The following AHI1 variants were observed in gnomAD, a reference collection of about 807,000 sequenced individuals.
The protein encoded by AHI1 is Abelson helper integration site 1, also known as jouberin.
Under a neutral mutation model 149.3 loss-of-function variants are expected in AHI1, and 123 were observed. The observed-to-expected ratio is 0.82, with a 90% CI of 0.71 to 0.96. AHI1 has a LOEUF of 0.96. AHI1 is among the 40% of genes least tolerant of loss of function. The pLI, the probability that AHI1 is intolerant of heterozygous loss-of-function variation, is 0.00. For synonymous variants in AHI1, 475 were observed against 459.8 expected (o/e 1.03, Z -0.42); for missense variants, 1,439 against 1,422.7 (o/e 1.01, Z -0.18).
intron 24 of AHI1, among the ~76,000 whole-genome samples, chr6:135,354,539 T>A (rs1313303451): frequency 6.6e-6 from 1 of 152,162 alleles, no homozygotes; most frequent in East Asian, 1.9e-4. Context: ...TCCCTTTGAT[T>A]TGCAAATAAG....
chr6:135,419,162 TAG>T (rs1396373953), intron 20 of AHI1, among the ~76,000 whole-genome samples: 1 of 152,066 alleles, frequency 6.6e-6, no homozygotes. Flanking sequence ...TCAAAATCTA[TAG>T]AGTGATGTGT....
intron 20 of AHI1, among the ~76,000 whole-genome samples, chr6:135,416,026 T>C (rs1194664156): frequency 6.6e-6 from 1 of 152,084 alleles, no homozygotes; most frequent in East Asian, 1.9e-4. Flanking sequence ...AAAGTAACTT[T>C]TGGGGATGAA....
At chr6:135,417,422 CTT>C (rs1442438651) in intron 20 of AHI1, among the ~76,000 whole-genome samples, 1 of 151,634 alleles carries the variant, frequency 6.6e-6, no homozygotes, top group Non-Finnish European at 1.5e-5. Flanking sequence ...TCATTTTACT[CTT>C]TTTGTCAAAC....
chr6:135,368,452 G>A (rs1774513278), intron 23 of AHI1, among the ~76,000 whole-genome samples: 2 of 152,134 alleles, frequency 1.3e-5, no homozygotes, highest in African/African-American at 4.8e-5. Context: ...GAGCTCCCAA[G>A]AGATTATATC....
intron 23 of AHI1, among the ~76,000 whole-genome samples, chr6:135,393,894 G>A (rs1173092378): frequency 6.6e-6 from 1 of 151,918 alleles, no homozygotes; most frequent in African/African-American, 2.4e-5. Flanking sequence ...GCACAGCCAG[G>A]GTTGAGCATA....
rs761997683 is a variant in AHI1, at chr6:135,482,894, C to CTTTTTTTTTTTT, written c.135+7717_135+7728dup. Among the ~76,000 whole-genome samples the CTTTTTTTTTTTT allele has an allele frequency of 1.1e-3, 60 of 55,732 alleles. 25 individuals carry two copies. Among genetic ancestry groups the CTTTTTTTTTTTT allele is most frequent in the African/African-American group, 3.2e-3 (34 of 10,786 alleles). The allele number at this position is 55,732 out of a possible 152,430, so 36.6% of individuals were successfully genotyped here. A position where few individuals can be genotyped will look rare whatever the true frequency, so the allele number is the denominator to read the frequency against. On this transcript the variant is annotated intron_variant, in intron 5 of 28. Coordinates refer to ENST00000265602, the MANE Select transcript of AHI1 (RefSeq NM_001134831.2). ...TTCAACCAGTATAATCCATTTAAGG[C>CTTTTTTTTTTTT]TTTTTTTTTTTTTTTGAGACAGAGT...
rs1264955170 is a variant in AHI1, at chr6:135,285,669, A to G, written c.3589-22T>C. On this transcript the variant is annotated intron_variant, in intron 28 of 28. Transcript: ENST00000265602. ...TTTACTGGAAAGAAAAATACACAAAATGTACTAAATAAACTTGAATAATGT... is the reference window on the plus strand; with the variant it reads ...TTTACTGGAAAGAAAAATACACAAAGTGTACTAAATAAACTTGAATAATGT... 3 of 1,589,712 alleles carry G rather than the reference A, an allele frequency of 1.9e-6. No individual in the cohort carries two copies. The African/African-American group carries it at 4.0e-5, about 21-fold the overall frequency.
At chr6:135,482,528 G>C (rs1434223975) in intron 5 of AHI1, among the ~76,000 whole-genome samples, 2 of 151,374 alleles carry the variant, frequency 1.3e-5, no homozygotes, top group Non-Finnish European at 2.9e-5. Flanking sequence ...GACATTTACT[G>C]ATCATTTTAA....
intron 27 of AHI1, among the ~76,000 whole-genome samples, chr6:135,296,700 G>A (rs560236578): frequency 2.6e-5 from 4 of 152,110 alleles, no homozygotes; most frequent in African/African-American, 9.6e-5. Flanking sequence ...CCCTACCCAT[G>A]CTTTATTTTT....
At chr6:135,426,552 TGC>T (rs1783937989) in intron 20 of AHI1, among the ~76,000 whole-genome samples, 1 of 151,574 alleles carries the variant, frequency 6.6e-6, no homozygotes, top group Non-Finnish European at 1.5e-5. Flanking sequence ...AAAATAGAAA[TGC>T]AATTTTGAGA....
chr6:135,339,152 T>C (rs1174546753), intron 24 of AHI1, among the ~76,000 whole-genome samples: 1 of 152,108 alleles, frequency 6.6e-6, no homozygotes, highest in South Asian at 2.1e-4. Flanking sequence ...CCTAGGGCAT[T>C]TGTCAAAAGC....
chr6:135,468,562 G>A (rs1055388486), intron 5 of AHI1, among the ~76,000 whole-genome samples: 19 of 152,230 alleles, frequency 1.2e-4, no homozygotes, highest in African/African-American at 4.6e-4. Context: ...AAATTAGCCA[G>A]GCGTGACGGT....
intron 9 of AHI1, 98 bp downstream of exon 9, chr6:135,457,396 A>C: frequency 2.4e-6 from 2 of 839,300 alleles, no homozygotes; most frequent in Non-Finnish European, 3.7e-6. Flanking sequence ...ATACAAATCC[A>C]TAACTCTATT....
chr6:135,398,003 A>C (rs913783178), intron 22 of AHI1, among the ~76,000 whole-genome samples: 48 of 151,334 alleles, frequency 3.2e-4, no homozygotes, highest in African/African-American at 1.0e-3. Context: ...TAATATTTTA[A>C]TCTGATGGCA....
Position 135,490,760 on chromosome 6 carries a change from C to T in AHI1, c.11-13G>A, listed in dbSNP as rs940308137. The T allele has an allele frequency of 1.9e-6, 3 of 1,611,288 alleles. No homozygotes were observed. The highest frequency in any genetic ancestry group is 2.5e-6 in the Non-Finnish European group (3 of 1,178,852). On this transcript the variant is annotated splice_polypyrimidine_tract_variant and intron_variant, in intron 4 of 28. Coordinates refer to ENST00000265602, the MANE Select transcript of AHI1 (RefSeq NM_001134831.2). ...GCTTCACTCTCAGCTACAAAAGATACAGCCATGTGATTTTGTAAATGACTC... is the reference window on the plus strand; with the variant it reads ...GCTTCACTCTCAGCTACAAAAGATATAGCCATGTGATTTTGTAAATGACTC...
chr6:135,320,381 A>G (rs1786630395), intron 25 of AHI1, among the ~76,000 whole-genome samples: 1 of 152,214 alleles, frequency 6.6e-6, no homozygotes, highest in East Asian at 1.9e-4. Context: ...GTAGCCATCA[A>G]CTCATCACTG....
At chr6:135,321,906 A>C (rs1047552681) in intron 25 of AHI1, among the ~76,000 whole-genome samples, 2 of 151,950 alleles carry the variant, frequency 1.3e-5, no homozygotes, top group Non-Finnish European at 1.5e-5. Flanking sequence ...GGTTCACGCG[A>C]TTCTCCCGCC....
chr6:135,460,009 T>C (rs955258839), intron 8 of AHI1, among the ~76,000 whole-genome samples: 4 of 151,966 alleles, frequency 2.6e-5, no homozygotes, highest in Non-Finnish European at 5.9e-5. Flanking sequence ...CTGGAAAATG[T>C]AGTGAGACCT....
At chr6:135,336,357 G>T (rs1291474572) in intron 24 of AHI1, among the ~76,000 whole-genome samples, 1 of 152,048 alleles carries the variant, frequency 6.6e-6, no homozygotes, top group South Asian at 2.1e-4. Context: ...CAGCACTCTG[G>T]GAGGCTGAGG....
Sources: allele counts gnomAD v4.1 joint callset (sites outside exome capture counted in the v4.1 genomes callset), GRCh38; gene constraint gnomAD v4.1.1; transcripts MANE v1.5; gene names NCBI Gene and HGNC (gene_info 2026-07-23, HGNC 2026-07-21).